The following PEX5L variants were observed in gnomAD, a reference collection of about 807,000 sequenced individuals.
PEX5L encodes peroxisomal biogenesis factor 5 like.
Under a neutral mutation model 84.0 loss-of-function variants are expected in PEX5L, and 30 were observed. The observed-to-expected ratio is 0.36, with a 90% CI of 0.27 to 0.48. The LOEUF is 0.48. PEX5L is among the 20% of genes least tolerant of loss of function. The pLI is 0.99. For missense variants in PEX5L, 533 were observed against 754.6 expected (o/e 0.71, Z 3.44); for synonymous variants, 270 against 283.1 (o/e 0.95, Z 0.46).
chr3:180,036,841 G>A lies in PEX5L; in HGVS notation c.-242C>T. The stretch of plus-strand genomic sequence containing the variant: ...GCGGGAGAGCGCGCAGAGAAGGCGA[G>A]GAGCCGGGTCGGCCAGGCTCTCCTG... On this transcript the variant is annotated 5_prime_UTR_variant, in exon 1 of 15. Transcript: ENST00000467460. The A allele has an allele frequency of 1.8e-6, 1 of 562,976 alleles. No individual in the cohort carries two copies. The allele number at this position is 562,976 out of a possible 1,614,324, so 34.9% of individuals were successfully genotyped here. A position where few individuals can be genotyped will look rare whatever the true frequency, so the allele number is the denominator to read the frequency against.
chr3:179,898,294 T>G (rs1483315731), intron 2 of PEX5L, 48 bp from the exon 3 acceptor site: 1 of 1,240,480 alleles, frequency 8.1e-7, no homozygotes, highest in Non-Finnish European at 1.2e-6. Flanking sequence ...GATCTTTAAC[T>G]TATTATTTAT....
intron 1 of PEX5L, among the ~76,000 whole-genome samples, chr3:180,033,300 T>G (rs1791620833): frequency 6.6e-6 from 1 of 152,224 alleles, no homozygotes; most frequent in African/African-American, 2.4e-5. Flanking sequence ...CCAGACAGCT[T>G]GAATAAGTCA....
chr3:180,025,227 T>C (rs1790840701), intron 1 of PEX5L, among the ~76,000 whole-genome samples: 1 of 152,196 alleles, frequency 6.6e-6, no homozygotes, highest in African/African-American at 2.4e-5. Context: ...AGGCTGTGTG[T>C]ATCTTAGCAT....
chr3:179,965,747 G>A (rs183156541), intron 2 of PEX5L, among the ~76,000 whole-genome samples: 3 of 152,218 alleles, frequency 2.0e-5, no homozygotes, highest in Non-Finnish European at 2.9e-5. Flanking sequence ...ACTCAGCATC[G>A]TGAGTTTACA....
rs578064572 is a variant in PEX5L at position 179,859,228 on chromosome 3, T to C, written c.727-71A>G. ...TTATTATAGAAATATACAGGTGCTT[T>C]TCCTTTTCCCATTTCACTTCCCTAG... On this transcript the variant is annotated intron_variant, in intron 7 of 14. Transcript: ENST00000467460. 77 of 1,167,202 alleles carry C rather than the reference T, an allele frequency of 6.6e-5. No homozygotes were observed. In the African/African-American group the frequency reaches 9.8e-4, roughly 15 times the overall value. 72.3% of individuals were successfully genotyped at this position (1,167,202 alleles called of 1,614,324 possible).
At chr3:179,966,949 T>G (rs1329655828) in intron 2 of PEX5L, among the ~76,000 whole-genome samples, 2 of 152,164 alleles carry the variant, frequency 1.3e-5, no homozygotes, top group African/African-American at 4.8e-5. Flanking sequence ...GCAAGCGGTC[T>G]TCATAACTAC....
intron 3 of PEX5L, chr3:179,888,132 T>C: frequency 7.7e-7 from 1 of 1,290,998 alleles, no homozygotes; most frequent in Non-Finnish European, 1.0e-6. Flanking sequence ...GGACAAAAGC[T>C]CCTACTGAGA....
chr3:179,998,475 G>T (rs991409297), intron 1 of PEX5L, among the ~76,000 whole-genome samples: 1 of 152,180 alleles, frequency 6.6e-6, no homozygotes, highest in Non-Finnish European at 1.5e-5. Context: ...GGAGCCTTCG[G>T]CAGACCTCTA....
At position 179,898,125 on chromosome 3, in the gene PEX5L, C is replaced by A. The variant is rs1247695001; in HGVS notation, c.198+17G>T. The A allele has an allele frequency of 1.3e-6, 2 of 1,516,476 alleles. No homozygotes were observed. The highest frequency in any genetic ancestry group is 3.4e-5 in the Admixed American group (2 of 59,656). The allele number at this position is 1,516,476 out of a possible 1,614,324, so 93.9% of individuals were successfully genotyped here. A position where few individuals can be genotyped will look rare whatever the true frequency, so the allele number is the denominator to read the frequency against. The stretch of plus-strand genomic sequence containing the variant: ...ACATATGTCAGCTTCCTACAGAAAC[C>A]CTATGGGTCTGCCCACCTGTGATGT... On this transcript the variant is annotated intron_variant, in intron 3 of 14. Coordinates refer to ENST00000467460, the MANE Select transcript of PEX5L (RefSeq NM_016559.3).
At chr3:179,904,279 G>A (rs1762388774) in intron 2 of PEX5L, among the ~76,000 whole-genome samples, 1 of 152,184 alleles carries the variant, frequency 6.6e-6, no homozygotes, top group South Asian at 2.1e-4. Flanking sequence ...GAAGTCTTCT[G>A]GGATTAATGA....
chr3:179,891,434 TA>T (rs1397581377), intron 3 of PEX5L, among the ~76,000 whole-genome samples: 5 of 152,104 alleles, frequency 3.3e-5, no homozygotes, highest in African/African-American at 1.2e-4. Context: ...CATGGAAAGG[TA>T]ACTGAAACTG....
In PEX5L at chr3:179,815,973, T is replaced by C. The variant is rs139969025; in HGVS notation, c.971A>G (p.Lys324Arg). The change falls in exon 10 of 15, where the codon AAG (lysine) becomes AGG (arginine). Residue 324 changes from lysine (K) to arginine (R), a missense_variant. This residue lies in a region of PEX5L where 58 missense variants were observed against 56.4 expected (regional missense o/e 1.03). Transcript: ENST00000467460. ...TTCTTCAAATGCTCCAGGCCAGTCC[T>C]TGAAGGGGTTTTCAGTGTGAAAGTA... ...GYYFHTENPF[K>R]DWPGAFEEGL... 1.9e-6 allele frequency: 3 copies of C among 1,614,032 alleles called. No individual in the cohort carries two copies. In the African/African-American group the frequency reaches 4.0e-5, roughly 22 times the overall value.
intron 2 of PEX5L, among the ~76,000 whole-genome samples, chr3:179,967,402 A>C (rs1783609664): frequency 6.6e-6 from 1 of 152,204 alleles, no homozygotes; most frequent in South Asian, 2.1e-4. Context: ...TTAAAATGAC[A>C]TAAATGTTAT....
intron 2 of PEX5L, among the ~76,000 whole-genome samples, chr3:179,959,564 G>T (rs1346563494): frequency 6.6e-6 from 1 of 151,958 alleles, no homozygotes; most frequent in African/African-American, 2.4e-5. Flanking sequence ...TCAAAATAAT[G>T]TATTTTTTCT....
chr3:179,952,225 A>C (rs1779274000), intron 2 of PEX5L, among the ~76,000 whole-genome samples: 1 of 152,226 alleles, frequency 6.6e-6, no homozygotes, highest in South Asian at 2.1e-4. Flanking sequence ...ATAACAACAG[A>C]CGAAAGGCAT....
chr3:179,877,906 G>A (rs981383477), intron 5 of PEX5L, among the ~76,000 whole-genome samples: 6 of 152,154 alleles, frequency 3.9e-5, no homozygotes, highest in South Asian at 2.1e-4. Flanking sequence ...GGGGAGAGGC[G>A]TTCCTGTGTA....
intron 2 of PEX5L, among the ~76,000 whole-genome samples, chr3:179,946,783 A>G (rs1777665132): frequency 1.3e-5 from 2 of 152,382 alleles, no homozygotes; most frequent in South Asian, 2.1e-4. Context: ...CATTAATAAC[A>G]GCACACAGCT....
chr3:179,803,383 A>C (rs1719880972), intron 14 of PEX5L, among the ~76,000 whole-genome samples: 1 of 152,352 alleles, frequency 6.6e-6, no homozygotes, highest in East Asian at 1.9e-4. Flanking sequence ...GATATAACCC[A>C]CATAAACAAA....
At chr3:180,029,583 C>A (rs1791271075) in intron 1 of PEX5L, among the ~76,000 whole-genome samples, 1 of 152,146 alleles carries the variant, frequency 6.6e-6, no homozygotes. Flanking sequence ...TCCAGCTCTT[C>A]TTTCAGGGAC....
Sources: allele counts gnomAD v4.1 joint callset (sites outside exome capture counted in the v4.1 genomes callset), GRCh38; gene constraint gnomAD v4.1.1; regional missense constraint gnomAD v4.1.1; transcripts MANE v1.5; gene names NCBI Gene and HGNC (gene_info 2026-07-23, HGNC 2026-07-21).